Variants in BDP1 observed in about 807,000 individuals in gnomAD.
BDP1 encodes the protein BDP1 general transcription factor IIIB subunit.
BDP1 carries 169 observed loss-of-function variants against 266.6 expected under a neutral mutation model. That is an observed-to-expected ratio of 0.63 (90% CI 0.56 to 0.72). The LOEUF is 0.72. BDP1 is among the 30% of genes least tolerant of loss of function. The pLI, the probability that BDP1 is intolerant of heterozygous loss-of-function variation, is 0.00. For synonymous variants in BDP1, 1,090 were observed against 1,022.4 expected, an observed-to-expected ratio of 1.07 and a Z score of -1.26; for missense variants, 3,015 against 3,053.8, an observed-to-expected ratio of 0.99 and a Z score of 0.30.
At chr5:71,563,451 T>G (rs915929938) in intron 38 of BDP1, among the ~76,000 whole-genome samples, 3 of 152,210 alleles carry the variant, frequency 2.0e-5, no homozygotes, top group African/African-American at 4.8e-5. Context: ...GTGTTCTTAT[T>G]ATATTCAGGG....
At chr5:71,475,139 C>T (rs994432881) in intron 7 of BDP1, among the ~76,000 whole-genome samples, 12 of 152,000 alleles carry the variant, frequency 7.9e-5, no homozygotes, top group Admixed American at 5.9e-4. Flanking sequence ...GTGTGGAGTA[C>T]ATGGGCATGA....
intron 8 of BDP1, among the ~76,000 whole-genome samples, chr5:71,485,641 G>T (rs1266982113): frequency 6.6e-6 from 1 of 152,148 alleles, no homozygotes; most frequent in Non-Finnish European, 1.5e-5. Flanking sequence ...TTAAGTTCAA[G>T]CAAGGATTTG....
chr5:71,562,501 T>C lies in BDP1; in HGVS notation c.7724T>C (p.Ile2575Thr). ...PSVITTQSEN[I>T]SSSATQVSCD... ...GTTATTACTACTCAATCTGAGAATA[T>C]TAGCAGCTCAGCAACTCAGGTATGT... is the stretch of plus-strand genomic sequence containing the variant. The change falls in exon 38 of 39, where the codon ATT becomes ACT. Residue 2575 changes from isoleucine (I) to threonine (T), a missense_variant. Around this residue, in one of 3 missense-constraint regions of BDP1, gnomAD observed 629 missense variants for 632.5 expected, o/e 0.99. Transcript: ENST00000358731. The C allele has an allele frequency of 5.6e-6, 9 of 1,613,774 alleles. No homozygotes were observed. Among genetic ancestry groups the C allele is most frequent in the African/African-American group, 1.3e-5 (1 of 75,022 alleles).
chr5:71,530,231 TTTTC>T (rs1374171864), intron 25 of BDP1, among the ~76,000 whole-genome samples: 2 of 152,072 alleles, frequency 1.3e-5, no homozygotes, highest in African/African-American at 4.8e-5. Flanking sequence ...TTTATTTTTC[TTTTC>T]TTTATTTTTA....
chr5:71,540,013 A>G (rs1362033473), intron 28 of BDP1, among the ~76,000 whole-genome samples: 2 of 152,174 alleles, frequency 1.3e-5, no homozygotes, highest in Non-Finnish European at 2.9e-5. Flanking sequence ...TGTCTTTTGC[A>G]AAGGAGTTGC....
At chr5:71,520,688 C>CTTTTTTTTTTTTTTTTTTTTTTTTTTTT (rs1418607470) in intron 22 of BDP1, among the ~76,000 whole-genome samples, 1 of 151,988 alleles carries the variant, frequency 6.6e-6, no homozygotes, top group African/African-American at 2.4e-5. Context: ...AGGCATTGTT[C>CTTTTTTTTTTTTTTTTTTTTTTTTTTTT]TAAGTGCTGA....
chr5:71,468,410 A>T (rs986184200), intron 6 of BDP1, among the ~76,000 whole-genome samples: 7 of 151,170 alleles, frequency 4.6e-5, no homozygotes, highest in Non-Finnish European at 1.0e-4. Context: ...TGCCTCCCGA[A>T]GTGTTGAGAT....
At chr5:71,532,506 T>G in intron 26 of BDP1, 79 bp downstream of exon 26, 1 of 1,421,830 alleles carries the variant, frequency 7.0e-7, no homozygotes. Flanking sequence ...TTTGATAGCT[T>G]TAGGTTTATA....
chr5:71,565,965 C>A lies in BDP1; in HGVS notation c.*1080C>A. The stretch of plus-strand genomic sequence containing the variant: ...GGATATTCAGTTTTAGCTATTTTTA[C>A]CCCTCAGATTGTAGATAAAGAAGGC... On this transcript the variant is annotated 3_prime_UTR_variant, in exon 39 of 39. Coordinates refer to ENST00000358731, the MANE Select transcript of BDP1 (RefSeq NM_018429.3). The A allele has an allele frequency of 5.1e-6, 1 of 197,564 alleles. No individual in the cohort carries two copies. 12.2% of individuals were successfully genotyped at this position (197,564 alleles called of 1,614,324 possible). A position where few individuals can be genotyped will look rare whatever the true frequency, so the allele number is the denominator to read the frequency against.
intron 4 of BDP1, among the ~76,000 whole-genome samples, chr5:71,464,715 G>GTTTTTTTTTTTTTTTTTT (rs567761591): frequency 1.1e-5 from 1 of 88,060 alleles, no homozygotes; most frequent in Non-Finnish European, 2.2e-5. Flanking sequence ...AAATTTTTTA[G>GTTTTTTTTTTTTTTTTTT]TTTTTTTTTT....
chr5:71,457,435 G>C (rs1761268323), intron 1 of BDP1, among the ~76,000 whole-genome samples: 1 of 150,874 alleles, frequency 6.6e-6, no homozygotes, highest in Admixed American at 6.6e-5. Flanking sequence ...CCTGTCTCAG[G>C]CTCCCAAGTA....
intron 36 of BDP1, among the ~76,000 whole-genome samples, chr5:71,558,837 A>C (rs113384955): frequency 0.016 from 2,353 of 150,352 alleles, 68 homozygotes; most frequent in African/African-American, 0.054. Context: ...AAAAACAAAA[A>C]AAAAAAACAA....
intron 1 of BDP1, among the ~76,000 whole-genome samples, chr5:71,457,841 A>T (rs1168506937): frequency 6.6e-6 from 1 of 152,164 alleles, no homozygotes; most frequent in Non-Finnish European, 1.5e-5. Context: ...ACTGTTTTTA[A>T]TTATTGACTT....
Position 71,467,447 on chromosome 5 carries a change from C to T in BDP1, c.879C>T (p.Ser293=). ...FERGSTTTYS[S]FRKNYYSKPW... is the part of the protein sequence containing the mutation. ...GCGGTTCTACAACTACATACTCCAG[C>T]TTTAGGAAAAACTATTACTCTAAAC... The change falls in exon 6 of 39, where the codon AGC becomes AGT. Residue 293 remains serine, a synonymous_variant. Transcript: ENST00000358731. 6.2e-7 allele frequency: 1 copy of T among 1,609,540 alleles called. No individual in the cohort carries two copies. Among genetic ancestry groups the T allele is most frequent in the South Asian group, 1.1e-5 (1 of 90,732 alleles).
In BDP1 at chr5:71,480,756, G is replaced by A. The variant is rs193109646; in HGVS notation, c.1015-3086G>A. Among the ~76,000 whole-genome samples, 371 of 151,872 alleles carry A rather than the reference G, an allele frequency of 2.4e-3. 3 individuals are homozygous for A. The highest frequency in any genetic ancestry group is 0.017 in the Middle Eastern group (5 of 292). ...TTTTTGTATTTTTAGCAGAGATGTGGTTTCACCATGTTGGCTAGGCTGGTC... is the reference window on the plus strand; with the variant it reads ...TTTTTGTATTTTTAGCAGAGATGTGATTTCACCATGTTGGCTAGGCTGGTC... On this transcript the variant is annotated intron_variant, in intron 7 of 38. Coordinates refer to ENST00000358731, the MANE Select transcript of BDP1 (RefSeq NM_018429.3).
chr5:71,500,839 C>T (rs1387830748), intron 13 of BDP1, among the ~76,000 whole-genome samples: 1 of 151,904 alleles, frequency 6.6e-6, no homozygotes, highest in Non-Finnish European at 1.5e-5. Context: ...GTGGCTCACA[C>T]CTGTAAGCCC....
Position 71,513,063 on chromosome 5 carries a change from CAAAAAAAAAAAA to C in BDP1, c.4248-108_4248-97del, listed in dbSNP as rs34252624. 4 of 415,394 alleles carry C rather than the reference CAAAAAAAAAAAA, an allele frequency of 9.6e-6. No homozygotes were observed. In the South Asian group the frequency reaches 9.7e-5, roughly 10 times the overall value. 25.7% of individuals were successfully genotyped at this position (415,394 alleles called of 1,614,324 possible). A position where few individuals can be genotyped will look rare whatever the true frequency, so the allele number is the denominator to read the frequency against. Reference sequence around the variant, plus strand: ...GGGGGATAGAACAAGACCCTGTCTCCAAAAAAAAAAAAAAAAAAAAAAAAATTAAATGTTTAC... The same window carrying C: ...GGGGGATAGAACAAGACCCTGTCTCCAAAAAAAAAAAAATTAAATGTTTAC... On this transcript the variant is annotated intron_variant, in intron 18 of 38. Coordinates refer to ENST00000358731, the MANE Select transcript of BDP1 (RefSeq NM_018429.3).
chr5:71,531,835 C>T (rs1281967033), intron 25 of BDP1, among the ~76,000 whole-genome samples: 1 of 152,150 alleles, frequency 6.6e-6, no homozygotes, highest in Non-Finnish European at 1.5e-5. Context: ...GGGCTTTCAA[C>T]TCATTATAGA....
At chr5:71,560,682 C>T (rs1300669510) in intron 37 of BDP1, among the ~76,000 whole-genome samples, 1 of 152,126 alleles carries the variant, frequency 6.6e-6, no homozygotes, top group African/African-American at 2.4e-5. Flanking sequence ...GGAATTTAAG[C>T]AAGAGCCAAC....
Sources: allele counts gnomAD v4.1 joint callset (sites outside exome capture counted in the v4.1 genomes callset), GRCh38; gene constraint gnomAD v4.1.1; regional missense constraint gnomAD v4.1.1; transcripts MANE v1.5; gene names NCBI Gene and HGNC (gene_info 2026-07-23, HGNC 2026-07-21).